Variants in PWWP2A observed in about 807,000 individuals in gnomAD.
The protein encoded by PWWP2A is PWWP domain-containing protein 2A.
A neutral mutation model predicts 48.5 loss-of-function variants in PWWP2A; 18 were observed. The observed-to-expected ratio is 0.37, with a 90% confidence interval of 0.26 to 0.55. The LOEUF (loss-of-function observed/expected upper bound fraction) is 0.55. Among genes scored for constraint, PWWP2A ranks in the 20% least tolerant of loss-of-function variants. The pLI is 0.81. For missense variants in PWWP2A, 867 were observed against 976.4 expected (o/e 0.89, Z 1.49); for synonymous variants, 396 against 387.7 (o/e 1.02, Z -0.25).
At position 160,091,839 on chromosome 5, in the gene PWWP2A, C is replaced by T. The variant is rs1755093888; in HGVS notation, c.*543G>A. On this transcript the variant is annotated 3_prime_UTR_variant, in exon 2 of 2. Coordinates refer to ENST00000307063, the MANE Select transcript of PWWP2A (RefSeq NM_001130864.2). Reference sequence around the variant, plus strand: ...TTACACCATTATGCGCATAGAAAGGCTAAGTGTTCATTATTTAAAAAACAA... The same window carrying T: ...TTACACCATTATGCGCATAGAAAGGTTAAGTGTTCATTATTTAAAAAACAA... The T allele has an allele frequency of 1.0e-6, 1 of 985,030 alleles. No homozygotes were observed. Among genetic ancestry groups the T allele is most frequent in the Non-Finnish European group, 1.2e-6 (1 of 829,832 alleles). The allele number at this position is 985,030 out of a possible 1,614,324, so 61.0% of individuals were successfully genotyped here.
intron 1 of PWWP2A, among the ~76,000 whole-genome samples, chr5:160,111,687 T>C (rs1350373250): frequency 6.6e-6 from 1 of 152,154 alleles, no homozygotes; most frequent in Non-Finnish European, 1.5e-5. Flanking sequence ...GAATGCTTAC[T>C]ATATATCAAA....
chr5:160,112,905 C>T (rs1054027932), intron 1 of PWWP2A, among the ~76,000 whole-genome samples: 1 of 152,180 alleles, frequency 6.6e-6, no homozygotes, highest in East Asian at 1.9e-4. Context: ...CACCTGTAAT[C>T]CCAACACTTT....
Position 160,092,576 on chromosome 5 carries a change from G to C in PWWP2A, c.2074C>G (p.Arg692Gly). 1 of 1,551,604 alleles carries C rather than the reference G, an allele frequency of 6.4e-7. No homozygotes were observed. The change falls in exon 2 of 2, where the codon CGT becomes GGT. Residue 692 changes from arginine to glycine, a missense_variant. Coordinates refer to ENST00000307063, the MANE Select transcript of PWWP2A (RefSeq NM_001130864.2). ...DNGLLVRQEA[R>G]ISWFGSPTTS... ...GTTGGAGACCCAAACCATGAAATACGGGCCTCCTGTCGGACTAAAAGGCCG... is the reference window on the plus strand; with the variant it reads ...GTTGGAGACCCAAACCATGAAATACCGGCCTCCTGTCGGACTAAAAGGCCG...
rs73314947 is a variant in PWWP2A at position 160,113,083 on chromosome 5, C to T, written c.584+5722G>A. 8.4e-3 allele frequency: 2,028 copies of T among 240,254 alleles called. 48 individuals carry two copies. The highest frequency in any genetic ancestry group is 0.045 in the African/African-American group (1,917 of 42,876). The allele number at this position is 240,254 out of a possible 1,614,324, so 14.9% of individuals were successfully genotyped here. A position where few individuals can be genotyped will look rare whatever the true frequency, so the allele number is the denominator to read the frequency against. ...CTGAGGCAGGGAACTGCTTGAACCA[C>T]GGAGATGGAGGTTGCAGTGAGCCGA... On this transcript the variant is annotated intron_variant, in intron 1 of 1. Transcript: ENST00000307063.
At chr5:160,049,402 A>T in the PWWP2A span, 1 of 1,070,854 alleles carries the variant, frequency 9.3e-7, no homozygotes, top group Non-Finnish European at 1.3e-6. Flanking sequence ...CACTTGGCAA[A>T]TGACTCTTCC....
chr5:160,049,465 T>C, the PWWP2A span: 9 of 1,494,824 alleles, frequency 6.0e-6, no homozygotes, highest in Middle Eastern at 2.1e-4. Flanking sequence ...GCCAAAGATA[T>C]GTAGGCCATT....
intron 5 of PWWP2A, among the ~76,000 whole-genome samples, chr5:160,062,426 G>A (rs1202294896): frequency 4.6e-5 from 7 of 152,130 alleles, no homozygotes; most frequent in African/African-American, 1.7e-4. Flanking sequence ...TAGCCTCTTC[G>A]TGCCACTGCA....
chr5:160,092,738 A>C lies in PWWP2A; in HGVS notation c.1912T>G (p.Phe638Val). 1 of 1,551,654 alleles carries C rather than the reference A, an allele frequency of 6.4e-7. No homozygotes were observed. Among genetic ancestry groups the C allele is most frequent in the Non-Finnish European group, 8.7e-7 (1 of 1,146,978 alleles). ...ACGCATTTAGAGACGTTTTTGGAAA[A>C]GACTTTCATTTTCAAGGAATTACTG... ...KLSNSLKMKV[F>V]SKNVSKCVTP... is the part of the protein sequence containing the mutation. The change falls in exon 2 of 2, where the codon TTT becomes GTT. Residue 638 changes from phenylalanine to valine, a missense_variant. This residue lies in a region of PWWP2A where 382 missense variants were observed against 407.2 expected (regional missense o/e 0.94). Coordinates refer to ENST00000307063, the MANE Select transcript of PWWP2A (RefSeq NM_001130864.2).
intron 2 of PWWP2A, among the ~76,000 whole-genome samples, chr5:160,069,253 C>G (rs1182357857): frequency 1.3e-5 from 2 of 151,862 alleles, no homozygotes; most frequent in Non-Finnish European, 2.9e-5. Context: ...CCACTGCACT[C>G]TAGCCTGGGT....
downstream of PWWP2A, among the ~76,000 whole-genome samples, chr5:160,059,281 A>G (rs542907320): frequency 1.3e-5 from 2 of 152,360 alleles, no homozygotes; most frequent in East Asian, 1.9e-4. Flanking sequence ...TGCAGCTTCT[A>G]TGTCAGCCTT....
At chr5:160,058,898 G>C (rs928320009), downstream of PWWP2A, among the ~76,000 whole-genome samples, 2 of 152,124 alleles carry the variant, frequency 1.3e-5, no homozygotes, top group African/African-American at 4.8e-5. Context: ...CTTCTTTTCT[G>C]AACAGTAGGT....
At chr5:160,081,606 A>G (rs934340803) in intron 2 of PWWP2A, among the ~76,000 whole-genome samples, 5 of 152,142 alleles carry the variant, frequency 3.3e-5, no homozygotes, top group African/African-American at 1.2e-4. Flanking sequence ...AATCCCAATA[A>G]CCACACTTGC....
chr5:160,097,607 C>G (rs1178887050), intron 1 of PWWP2A, among the ~76,000 whole-genome samples: 1 of 148,058 alleles, frequency 6.8e-6, no homozygotes, highest in Non-Finnish European at 1.5e-5. Flanking sequence ...TCCAGCCTAG[C>G]AACAGAGAGA....
At chr5:160,111,400 T>G (rs1474304583) in intron 1 of PWWP2A, among the ~76,000 whole-genome samples, 1 of 152,102 alleles carries the variant, frequency 6.6e-6, no homozygotes, top group Non-Finnish European at 1.5e-5. Flanking sequence ...ACTCCTGACG[T>G]CAGGTGATCT....
At chr5:160,109,772 AAAATATATATATATATAT>A (rs1471723515) in intron 1 of PWWP2A, among the ~76,000 whole-genome samples, 76 of 27,866 alleles carry the variant, frequency 2.7e-3, no homozygotes, top group African/African-American at 8.2e-3. Context: ...AAAAAAAAAA[AAAATATATATATATATAT>A]ATATATATAT....
intron 1 of PWWP2A, among the ~76,000 whole-genome samples, chr5:160,097,706 T>TTGG (rs1561679221): frequency 9.3e-6 from 1 of 107,950 alleles, no homozygotes; most frequent in Non-Finnish European, 1.8e-5. Flanking sequence ...GTTTTTTTTT[T>TTGG]GGGGGGGGGG....
intron 1 of PWWP2A, among the ~76,000 whole-genome samples, chr5:160,103,906 G>T (rs1756568084): frequency 6.6e-6 from 1 of 151,744 alleles, no homozygotes; most frequent in African/African-American, 2.4e-5. Context: ...TGGATCACTT[G>T]AGACCAGGAG....
rs200615381 is a variant in PWWP2A at position 160,114,458 on chromosome 5, C to CAA, written c.584+4345_584+4346dup. 3.1e-4 allele frequency among the ~76,000 whole-genome samples: 40 copies of CAA among 130,434 alleles called. No homozygotes were observed. The East Asian group carries it at 3.4e-3, about 11-fold the overall frequency. The allele number at this position is 130,434 out of a possible 152,430, so 85.6% of individuals were successfully genotyped here. On this transcript the variant is annotated intron_variant, in intron 1 of 1. Transcript: ENST00000307063. ...CCTGGGTGACAGAGCGAGACTGTCT[C>CAA]AAAAAAAAGAAAAAGAGTTCAGGCC... is the stretch of plus-strand genomic sequence containing the variant.
chr5:160,095,341 T>C (rs889566354), intron 1 of PWWP2A, among the ~76,000 whole-genome samples: 2 of 152,042 alleles, frequency 1.3e-5, no homozygotes, highest in Non-Finnish European at 1.5e-5. Context: ...ATAAATAGAG[T>C]TAGAAATAAC....
Sources: gnomAD v4.1 joint callset for allele counts (sites outside exome capture counted in the v4.1 genomes callset) on GRCh38, gnomAD v4.1.1 for gene constraint, gnomAD v4.1.1 regional missense constraint, MANE v1.5 for transcripts, NCBI Gene and HGNC (gene_info 2026-07-23, HGNC 2026-07-21) for gene names.